MORF4L1: variants seen among roughly 807,000 people sequenced by gnomAD.
MORF4L1 encodes mortality factor 4-like protein 1.
A neutral mutation model predicts 52.9 loss-of-function variants in MORF4L1; 4 were observed. The observed-to-expected ratio is 0.08, with a 90% CI of 0.04 to 0.17. The LOEUF (loss-of-function observed/expected upper bound fraction) is 0.17, where lower values mean the gene tolerates loss of function less well. Among genes scored for constraint, MORF4L1 ranks in the 10% least tolerant of loss-of-function variants. The pLI, the probability that MORF4L1 is intolerant of heterozygous loss-of-function variation, is 1.00. For synonymous variants in MORF4L1, 123 were observed against 134.8 expected (o/e 0.91, Z 0.61); for missense variants, 214 against 390.4 (o/e 0.55, Z 3.81).
chr15:78,892,113 T>A, intron 7 of MORF4L1, 99 bp from the exon 8 acceptor site: 1 of 734,596 alleles, frequency 1.4e-6, no homozygotes, highest in Non-Finnish European at 2.3e-6. Context: ...TTGGCTACTT[T>A]AAGATTTATC....
chr15:78,882,952 T>G (rs1432032098), intron 3 of MORF4L1, among the ~76,000 whole-genome samples: 1 of 152,176 alleles, frequency 6.6e-6, no homozygotes, highest in Non-Finnish European at 1.5e-5. Context: ...TAGTGGCTCA[T>G]GCCTGTAATC....
chr15:78,877,112 GA>G (rs1191981010), intron 1 of MORF4L1, among the ~76,000 whole-genome samples: 11 of 94,492 alleles, frequency 1.2e-4, no homozygotes, highest in African/African-American at 4.2e-4. Flanking sequence ...ACGCCCGGCT[GA>G]TTTTTTTTTT....
At chr15:78,890,673 G>A (rs2056785713) in intron 5 of MORF4L1, 2 of 179,510 alleles carry the variant, frequency 1.1e-5, no homozygotes, top group Non-Finnish European at 1.2e-5. Context: ...ATAGAGAACA[G>A]GATTTGCCAT....
At chr15:78,881,208 T>TTTTTTTTTTTA (rs5813941) in intron 3 of MORF4L1, among the ~76,000 whole-genome samples, 3 of 147,470 alleles carry the variant, frequency 2.0e-5, no homozygotes, top group South Asian at 2.2e-4. Flanking sequence ...TTTTTTTTTT[T>TTTTTTTTTTTA]GAGAGATGGA....
chr15:78,884,509 C>T (rs2056660382), intron 3 of MORF4L1, among the ~76,000 whole-genome samples: 1 of 151,768 alleles, frequency 6.6e-6, no homozygotes, highest in Non-Finnish European at 1.5e-5. Flanking sequence ...CGTGGTGGCG[C>T]ATGCCTGTAA....
chr15:78,877,631 T>TTAC (rs1182391752), intron 1 of MORF4L1: 1 of 152,392 alleles, frequency 6.6e-6, no homozygotes, highest in Admixed American at 6.5e-5. Flanking sequence ...ACGTAGACTG[T>TTAC]TACGTTCCAA....
At chr15:78,873,250 C>G (rs2056403554) in intron 1 of MORF4L1, 193 bp downstream of exon 1, 4 of 1,498,832 alleles carry the variant, frequency 2.7e-6, no homozygotes, top group Non-Finnish European at 3.5e-6. Context: ...CTTTGTGAAG[C>G]GAGAGTGCTG....
intron 11 of MORF4L1, among the ~76,000 whole-genome samples, chr15:78,896,308 C>CTTTTTTTTTTTTTTTTTTT (rs71148578): frequency 2.5e-5 from 2 of 81,448 alleles, no homozygotes; most frequent in Admixed American, 1.7e-4. Context: ...CTTTTCTTTT[C>CTTTTTTTTTTTTTTTTTTT]TTTTTTTTTT....
At chr15:78,889,157 A>C (rs61433603) in intron 5 of MORF4L1, among the ~76,000 whole-genome samples, 4,397 of 152,272 alleles carry the variant, frequency 0.029, 241 homozygotes, top group African/African-American at 0.1. Flanking sequence ...AAAGCTTTAA[A>C]ATTTAAATTT....
chr15:78,878,077 G>A (rs1432820049), intron 1 of MORF4L1, 136 bp from the exon 2 acceptor site: 6 of 688,694 alleles, frequency 8.7e-6, no homozygotes, highest in Non-Finnish European at 1.4e-5. Context: ...GAGCCAAAGT[G>A]GTGCTCTGTA....
intron 5 of MORF4L1, among the ~76,000 whole-genome samples, chr15:78,890,085 TG>T (rs2056773096): frequency 6.6e-6 from 1 of 152,006 alleles, no homozygotes; most frequent in African/African-American, 2.4e-5. Flanking sequence ...CTGGGAGTGG[TG>T]GTGGGTGCCT....
At chr15:78,892,447 G>A (rs2056817227) in intron 8 of MORF4L1, 134 bp downstream of exon 8, 1 of 560,230 alleles carries the variant, frequency 1.8e-6, no homozygotes, top group East Asian at 3.0e-5. Context: ...TAATTTAGAG[G>A]CTGAACACTT....
chr15:78,876,656 A>T (rs2056498303), intron 1 of MORF4L1: 1 of 447,588 alleles, frequency 2.2e-6, no homozygotes, highest in African/African-American at 2.0e-5. Context: ...ATCTGATCTG[A>T]TCTTGTTCGC....
intron 2 of MORF4L1, among the ~76,000 whole-genome samples, chr15:78,879,320 G>A (rs149558814): frequency 3.3e-5 from 5 of 151,994 alleles, no homozygotes; most frequent in African/African-American, 1.2e-4. Context: ...CTCCCGGGTT[G>A]AAGCAATTCT....
At chr15:78,885,135 TTTA>T (rs2056677597) in intron 3 of MORF4L1, 4 of 1,379,588 alleles carry the variant, frequency 2.9e-6, no homozygotes, top group South Asian at 1.2e-5. Context: ...AGGATTGCTT[TTTA>T]TTATTTTCCT....
chr15:78,896,275 C>T (rs770911295), intron 11 of MORF4L1, among the ~76,000 whole-genome samples: 1 of 149,428 alleles, frequency 6.7e-6, no homozygotes, highest in Non-Finnish European at 1.5e-5. Context: ...TGTGCTTGGC[C>T]TGATAGGATT....
intron 5 of MORF4L1, among the ~76,000 whole-genome samples, chr15:78,889,404 A>G (rs980206574): frequency 1.2e-4 from 18 of 152,242 alleles, no homozygotes; most frequent in African/African-American, 3.9e-4. Context: ...CAAATCCAAA[A>G]TGCTTCAATG....
chr15:78,878,890 T>C (rs2056545468), intron 2 of MORF4L1, among the ~76,000 whole-genome samples: 1 of 152,216 alleles, frequency 6.6e-6, no homozygotes, highest in African/African-American at 2.4e-5. Flanking sequence ...GCTCCAAAAA[T>C]GAGCCCGTAA....
intron 1 of MORF4L1, among the ~76,000 whole-genome samples, chr15:78,876,843 T>C (rs1245563307): frequency 2.6e-5 from 4 of 152,200 alleles, no homozygotes; most frequent in African/African-American, 9.6e-5. Context: ...ATAGAACTGA[T>C]TTAAAAATAA....
Sources: allele counts gnomAD v4.1 joint callset (sites outside exome capture counted in the v4.1 genomes callset), GRCh38; gene constraint gnomAD v4.1.1; transcripts MANE v1.5; gene names NCBI Gene and HGNC (gene_info 2026-07-23, HGNC 2026-07-21).